The following ACTA2 variants were observed in gnomAD, a reference collection of about 807,000 sequenced individuals.
ACTA2 encodes the protein actin alpha 2, smooth muscle.
ACTA2 carries 12 observed loss-of-function variants against 39.5 expected under a neutral mutation model. The observed-to-expected ratio is 0.30, with a 90% CI of 0.19 to 0.49. ACTA2 has a LOEUF of 0.49. Among genes scored for constraint, ACTA2 ranks in the 20% least tolerant of loss-of-function variants. The probability of loss-of-function intolerance (pLI) is 0.99; values close to 1 mark genes in which losing one functional copy is unlikely to be tolerated. For missense variants in ACTA2, 236 were observed against 498.8 expected (o/e 0.47, Z 5.02); for synonymous variants, 158 against 180.6 (o/e 0.88, Z 1.00).
intron 1 of ACTA2, among the ~76,000 whole-genome samples, chr10:88,964,098 G>A (rs1001449346): frequency 6.6e-6 from 1 of 151,094 alleles, no homozygotes; most frequent in Admixed American, 6.6e-5. Flanking sequence ...ATATATTTTA[G>A]TTTACTTTAG....
rs765100909 is a variant in ACTA2, at chr10:88,935,373, G to C, written c.991-7C>G. On this transcript the variant is annotated splice_polypyrimidine_tract_variant and splice_region_variant and intron_variant, in intron 8 of 8. Coordinates refer to ENST00000224784, the MANE Select transcript of ACTA2 (RefSeq NM_001613.4). Reference sequence around the variant, plus strand: ...GCTCCGGAGGGGCAATGATCTGTCAGTCAAGATGAAAAAGAATGGTCATTA... The same window carrying C: ...GCTCCGGAGGGGCAATGATCTGTCACTCAAGATGAAAAAGAATGGTCATTA... 1 of 1,613,600 alleles carries C rather than the reference G, an allele frequency of 6.2e-7. No homozygotes were observed. The highest frequency in any genetic ancestry group is 8.5e-7 in the Non-Finnish European group (1 of 1,179,642).
intron 1 of ACTA2, among the ~76,000 whole-genome samples, chr10:88,966,768 G>A (rs934919968): frequency 1.3e-5 from 2 of 151,896 alleles, no homozygotes; most frequent in South Asian, 2.1e-4. Flanking sequence ...GGTCAAAGAC[G>A]TAACCTGCTC....
chr10:88,980,158 A>G (rs1846674927), intron 1 of ACTA2, among the ~76,000 whole-genome samples: 1 of 152,212 alleles, frequency 6.6e-6, no homozygotes, highest in African/African-American at 2.4e-5. Flanking sequence ...GAAATAGTTC[A>G]GTTTTAGGCA....
At chr10:88,948,179 A>C (rs7897521) in intron 2 of ACTA2, 29 of 157,982 alleles carry the variant, frequency 1.8e-4, no homozygotes, top group Non-Finnish European at 3.1e-4. Flanking sequence ...ATTTATTCTC[A>C]TGAATATATC....
At chr10:88,962,931 AT>A (rs1564653415) in intron 1 of ACTA2, among the ~76,000 whole-genome samples, 1,329 of 10,072 alleles carry the variant, frequency 0.13, 158 homozygotes, top group East Asian at 0.44. Context: ...ATATATATAT[AT>A]ATATATATAT....
rs1799804239 is a variant in ACTA2, at chr10:88,990,998, G to T, written c.-83C>A. ...GGGCGCGGGACGCGTGCGGGATTGCGGCGGCAGCGGCGCACGCGGGCACCT... is the reference window on the plus strand; with the variant it reads ...GGGCGCGGGACGCGTGCGGGATTGCTGCGGCAGCGGCGCACGCGGGCACCT... On this transcript the variant is annotated 5_prime_UTR_variant, in exon 1 of 5. Coordinates refer to the ACTA2 transcript ENST00000415557. This position sits in a 1 kb window ranked among gnomAD's most constrained non-coding sequence, Gnocchi z 4.9. 1.9e-6 allele frequency: 3 copies of T among 1,565,080 alleles called. No homozygotes were observed. The highest frequency in any genetic ancestry group is 2.6e-6 in the Non-Finnish European group (3 of 1,140,234).
At chr10:88,940,075 T>C in intron 6 of ACTA2, 1 of 293,800 alleles carries the variant, frequency 3.4e-6, no homozygotes, top group South Asian at 3.4e-5. Context: ...GTTTGTTATA[T>C]TGTATTTTCA....
intron 8 of ACTA2, chr10:88,935,618 A>G (rs532664217): frequency 1.9e-5 from 8 of 416,920 alleles, no homozygotes; most frequent in South Asian, 1.4e-4. Context: ...CGACCACATT[A>G]TTGAGCAAAC....
upstream of ACTA2, among the ~76,000 whole-genome samples, chr10:88,953,543 AAG>A (rs1846085753): frequency 6.6e-6 from 1 of 152,174 alleles, no homozygotes; most frequent in Admixed American, 6.5e-5. Context: ...TTGGAAAAGA[AAG>A]GAGATTGTTC....
At position 88,938,416 on chromosome 10, in the gene ACTA2, T is replaced by G. The variant is rs111373338; in HGVS notation, c.809-174A>C. The G allele has an allele frequency of 1.2e-4, 84 of 693,224 alleles. No individual in the cohort carries two copies. The African/African-American group carries it at 1.4e-3, about 12-fold the overall frequency. The allele number at this position is 693,224 out of a possible 1,614,324, so 42.9% of individuals were successfully genotyped here. A position where few individuals can be genotyped will look rare whatever the true frequency, so the allele number is the denominator to read the frequency against. On this transcript the variant is annotated intron_variant, in intron 7 of 8. Transcript: ENST00000224784. The stretch of plus-strand genomic sequence containing the variant: ...AAGGGTCTTGTTATGCTCTATGTCT[T>G]CCTGCCTGCCTTCTAATGAGGAAGG...
At chr10:88,949,418 A>G (rs538004573) in intron 1 of ACTA2, among the ~76,000 whole-genome samples, 51 of 152,336 alleles carry the variant, frequency 3.3e-4, no homozygotes, top group South Asian at 2.1e-3. Flanking sequence ...TTTTTTCAAA[A>G]AGCTAGATTT....
chr10:88,938,922 G>A (rs1189740142), intron 7 of ACTA2, among the ~76,000 whole-genome samples: 3 of 152,162 alleles, frequency 2.0e-5, no homozygotes, highest in East Asian at 3.9e-4. Context: ...CAGGCAGTGG[G>A]CTAAGTGCTC....
At chr10:88,978,700 A>G (rs895447246) in intron 1 of ACTA2, among the ~76,000 whole-genome samples, 2 of 152,178 alleles carry the variant, frequency 1.3e-5, no homozygotes, top group Non-Finnish European at 2.9e-5. Flanking sequence ...TACTTCAGGG[A>G]ACTGAAGATG....
At chr10:88,968,699 C>T (rs1846366812) in intron 1 of ACTA2, among the ~76,000 whole-genome samples, 1 of 152,158 alleles carries the variant, frequency 6.6e-6, no homozygotes, top group Non-Finnish European at 1.5e-5. Context: ...AAAGCCTTTT[C>T]CTCCTTAATT....
chr10:88,951,355 G>A (rs1220702452), intron 1 of ACTA2, among the ~76,000 whole-genome samples: 1 of 152,120 alleles, frequency 6.6e-6, no homozygotes, highest in Non-Finnish European at 1.5e-5. Flanking sequence ...AAATGGGAAG[G>A]TATGGTTACC....
At chr10:88,948,581 T>C in intron 2 of ACTA2, 1 of 550,610 alleles carries the variant, frequency 1.8e-6, no homozygotes, top group Non-Finnish European at 3.3e-6. Flanking sequence ...AAAAAGGACA[T>C]GAAAAAGGGG....
intron 2 of ACTA2, among the ~76,000 whole-genome samples, chr10:88,947,972 T>TA (rs1234112699): frequency 5.3e-5 from 8 of 152,046 alleles, no homozygotes; most frequent in African/African-American, 1.9e-4. Flanking sequence ...CAGCTGCATT[T>TA]AAAAAAAATC....
At chr10:88,938,514 A>G in intron 7 of ACTA2, 2 of 437,666 alleles carry the variant, frequency 4.6e-6, no homozygotes, top group Admixed American at 3.5e-5. Context: ...TACTCACTCC[A>G]TGTGGTTTAA....
intron 8 of ACTA2, 51 bp from the exon 9 acceptor site, chr10:88,935,417 T>C (rs538985736): frequency 4.4e-6 from 7 of 1,601,270 alleles, no homozygotes; most frequent in African/African-American, 1.3e-5. Flanking sequence ...ATTAGTGCAG[T>C]CGTTAGTGCG....
Sources: gnomAD v4.1 joint callset for allele counts (sites outside exome capture counted in the v4.1 genomes callset) on GRCh38, gnomAD v4.1.1 for gene constraint, Gnocchi (gnomAD v3.1) non-coding constraint, MANE v1.5 for transcripts, NCBI Gene and HGNC (gene_info 2026-07-23, HGNC 2026-07-21) for gene names.